RIC8B: variants seen among roughly 807,000 people sequenced by gnomAD.
RIC8B encodes chaperone Ric-8B.
A neutral mutation model predicts 57.5 loss-of-function variants in RIC8B; 16 were observed. The observed-to-expected ratio is 0.28, with a 90% confidence interval of 0.19 to 0.42. The LOEUF (loss-of-function observed/expected upper bound fraction) is 0.42. Ranked by LOEUF, RIC8B falls within the 10% of genes least tolerant of loss-of-function variation. The pLI is 1.00. For missense variants in RIC8B, 481 were observed against 677.0 expected (o/e 0.71, Z 3.21); for synonymous variants, 216 against 250.8 (o/e 0.86, Z 1.31).
chr12:106,848,584 TTGGATTGTGGG>T (rs1460170399), intron 6 of RIC8B, among the ~76,000 whole-genome samples: 1 of 151,986 alleles, frequency 6.6e-6, no homozygotes, highest in Non-Finnish European at 1.5e-5. Flanking sequence ...GGAGAAGTGG[TTGGATTGTGGG>T]TATATTTCAG....
At chr12:106,855,480 C>A (rs1231399616) in intron 7 of RIC8B, among the ~76,000 whole-genome samples, 1 of 152,172 alleles carries the variant, frequency 6.6e-6, no homozygotes, top group Admixed American at 6.5e-5. Context: ...TAACCATTCA[C>A]TACCCACCAA....
chr12:106,783,981 CT>C lies in RIC8B; in HGVS notation c.85-10del, dbSNP rs1158358080. On this transcript the variant is annotated splice_polypyrimidine_tract_variant and intron_variant, in intron 1 of 9. Transcript: ENST00000392837. ...ATGTATTTAAAATGACATTGTTTCC[CT>C]TTTTTCCCCCTCAGCATAGGGCTAC... 4 of 1,610,570 alleles carry C rather than the reference CT, an allele frequency of 2.5e-6. No individual in the cohort carries two copies. Among genetic ancestry groups the C allele is most frequent in the Non-Finnish European group, 3.4e-6 (4 of 1,177,988 alleles).
At position 106,782,055 on chromosome 12, in the gene RIC8B, A is replaced by AT. The variant is rs749653960; in HGVS notation, c.85-1937dup. 8.5e-4 allele frequency among the ~76,000 whole-genome samples: 130 copies of AT among 152,080 alleles called. 1 individual carries two copies. Among genetic ancestry groups the AT allele is most frequent in the Non-Finnish European group, 1.4e-3 (94 of 68,002 alleles). On this transcript the variant is annotated intron_variant, in intron 1 of 9. Coordinates refer to ENST00000392837, the MANE Select transcript of RIC8B (RefSeq NM_001330145.2). ...GTTCTTTATTATCTATTTAAAAAAA[A>AT]TTTTTATTATGAAAACAATATACCA...
At chr12:106,860,042 C>A (rs1487048447) in intron 7 of RIC8B, among the ~76,000 whole-genome samples, 2 of 152,124 alleles carry the variant, frequency 1.3e-5, no homozygotes, top group Non-Finnish European at 2.9e-5. Flanking sequence ...GTGTTCAGAA[C>A]AGCTCTGCTT....
At chr12:106,875,662 T>C (rs1236204090) in intron 9 of RIC8B, among the ~76,000 whole-genome samples, 3 of 152,176 alleles carry the variant, frequency 2.0e-5, no homozygotes, top group Admixed American at 2.0e-4. Flanking sequence ...ACAAGATACA[T>C]TGCCTTTTTA....
intron 4 of RIC8B, among the ~76,000 whole-genome samples, chr12:106,837,089 C>T (rs1323042051): frequency 1.3e-5 from 2 of 152,198 alleles, no homozygotes; most frequent in Non-Finnish European, 2.9e-5. Context: ...CCCGGCCGGG[C>T]GCAGTGGCGC....
At chr12:106,779,584 A>G (rs2043655157) in intron 1 of RIC8B, among the ~76,000 whole-genome samples, 2 of 151,832 alleles carry the variant, frequency 1.3e-5, no homozygotes, top group Non-Finnish European at 2.9e-5. Flanking sequence ...TACAATGTGA[A>G]TGGTATACAA....
chr12:106,856,446 A>G (rs1949718860), intron 7 of RIC8B, among the ~76,000 whole-genome samples: 1 of 152,186 alleles, frequency 6.6e-6, no homozygotes, highest in African/African-American at 2.4e-5. Flanking sequence ...TTGCCTGATT[A>G]TACTGCACCA....
intron 4 of RIC8B, among the ~76,000 whole-genome samples, chr12:106,826,613 G>C (rs1306212310): frequency 6.6e-6 from 1 of 152,060 alleles, no homozygotes; most frequent in Non-Finnish European, 1.5e-5. Context: ...AAAAGTAGCT[G>C]GGCATGGTGG....
At chr12:106,874,890 G>A (rs1022900042) in intron 9 of RIC8B, among the ~76,000 whole-genome samples, 1 of 152,018 alleles carries the variant, frequency 6.6e-6, no homozygotes, top group Admixed American at 6.6e-5. Flanking sequence ...CAGTGCACCT[G>A]GAGGTCTAAA....
At chr12:106,848,554 G>A (rs1203392832) in intron 6 of RIC8B, among the ~76,000 whole-genome samples, 2 of 152,170 alleles carry the variant, frequency 1.3e-5, no homozygotes, top group African/African-American at 4.8e-5. Flanking sequence ...CCTTGGACTT[G>A]GTAATACTGG....
Position 106,879,481 on chromosome 12 carries a change from T to C in RIC8B, c.1572-6423T>C, listed in dbSNP as rs1950823076. ...TCATATAAGCCCAGGCATCCTAGAG[T>C]ATACCATACTTACAGGCAAACGGTG... On this transcript the variant is annotated intron_variant, in intron 9 of 9. Transcript: ENST00000392837. This position sits in a 1 kb window ranked among gnomAD's most constrained non-coding sequence, Gnocchi z 4.9. 1.0e-6 allele frequency: 1 copy of C among 985,062 alleles called. No homozygotes were observed. Among genetic ancestry groups the C allele is most frequent in the Non-Finnish European group, 1.2e-6 (1 of 829,854 alleles). The allele number at this position is 985,062 out of a possible 1,614,324, so 61.0% of individuals were successfully genotyped here.
intron 9 of RIC8B, among the ~76,000 whole-genome samples, chr12:106,881,475 C>T (rs1950931120): frequency 1.3e-5 from 2 of 151,844 alleles, no homozygotes; most frequent in South Asian, 4.2e-4. Context: ...AATCCATGTC[C>T]ATCACTGCCA....
chr12:106,817,907 C>T (rs1566080492), intron 3 of RIC8B, among the ~76,000 whole-genome samples: 1 of 151,536 alleles, frequency 6.6e-6, no homozygotes, highest in Non-Finnish European at 1.5e-5. Context: ...TTAATATCTG[C>T]TTGATTGTCC....
intron 6 of RIC8B, 59 bp from the exon 7 acceptor site, chr12:106,851,391 C>A (rs1291475404): frequency 5.1e-6 from 7 of 1,374,370 alleles, no homozygotes; most frequent in Admixed American, 3.8e-5. Context: ...TTGCATTGTA[C>A]CATCCTCACT....
chr12:106,816,616 C>T (rs114592876), intron 3 of RIC8B, among the ~76,000 whole-genome samples: 2,829 of 152,180 alleles, frequency 0.019, 46 homozygotes, highest in Middle Eastern at 0.048. Flanking sequence ...ACCTTAAATT[C>T]CAGAGACTGT....
At chr12:106,884,386 A>T (rs12302779) in intron 9 of RIC8B, among the ~76,000 whole-genome samples, 4,286 of 152,256 alleles carry the variant, frequency 0.028, 202 homozygotes, top group African/African-American at 0.098. Context: ...AGTTAGGGCA[A>T]TTAATCCAGA....
Position 106,822,009 on chromosome 12 carries a change from C to T in RIC8B, c.742-3717C>T, listed in dbSNP as rs551981056. Among the ~76,000 whole-genome samples the T allele has an allele frequency of 7.3e-3, 946 of 130,126 alleles. 3 individuals carry two copies. Among genetic ancestry groups the T allele is most frequent in the Non-Finnish European group, 0.01 (668 of 64,228 alleles). The allele number at this position is 130,126 out of a possible 152,430, so 85.4% of individuals were successfully genotyped here. On this transcript the variant is annotated intron_variant, in intron 3 of 9. Coordinates refer to ENST00000392837, the MANE Select transcript of RIC8B (RefSeq NM_001330145.2). ...AGGACAATGGCGTGAATCCGGGAGG[C>T]GGAGCTTGCAGCGAGCCAAGATCGT...
intron 4 of RIC8B, among the ~76,000 whole-genome samples, chr12:106,827,281 A>G (rs1450835470): frequency 2.0e-5 from 3 of 152,230 alleles, no homozygotes; most frequent in Admixed American, 1.3e-4. Context: ...CTATATGAAT[A>G]CAAATGGCAT....
Sources: gnomAD v4.1 joint callset for allele counts (sites outside exome capture counted in the v4.1 genomes callset) on GRCh38, gnomAD v4.1.1 for gene constraint, Gnocchi (gnomAD v3.1) non-coding constraint, MANE v1.5 for transcripts, NCBI Gene and HGNC (gene_info 2026-07-23, HGNC 2026-07-21) for gene names.